SEMA4B: variants seen among roughly 807,000 people sequenced by gnomAD.
The protein encoded by SEMA4B is semaphorin-4B.
Under a neutral mutation model 88.1 loss-of-function variants are expected in SEMA4B, and 55 were observed. The observed-to-expected ratio is 0.62, with a 90% CI of 0.50 to 0.78. The LOEUF is 0.78. Ranked by LOEUF, SEMA4B falls within the 30% of genes least tolerant of loss-of-function variation. The pLI is 0.00. For synonymous variants in SEMA4B, 525 were observed against 473.6 expected, an observed-to-expected ratio of 1.11 and a Z score of -1.41; for missense variants, 1,062 against 1,111.9, an observed-to-expected ratio of 0.96 and a Z score of 0.64.
chr15:90,215,218 G>C (rs1468764343), intron 1 of SEMA4B, among the ~76,000 whole-genome samples: 3 of 93,524 alleles, frequency 3.2e-5, no homozygotes, highest in African/African-American at 1.9e-4. Flanking sequence ...GTGTGTGTGT[G>C]TTTCTTTTTT....
intron 1 of SEMA4B, among the ~76,000 whole-genome samples, chr15:90,214,390 C>A (rs1961428043): frequency 6.7e-6 from 1 of 150,122 alleles, no homozygotes; most frequent in South Asian, 2.1e-4. Flanking sequence ...GTAATCCCAG[C>A]ACTTTGGGAG....
rs1961727731 is a variant in SEMA4B, at chr15:90,219,977, C to T, written c.483+86C>T. 5 of 1,033,642 alleles carry T rather than the reference C, an allele frequency of 4.8e-6. No individual in the cohort carries two copies. In the South Asian group the frequency reaches 7.6e-5, roughly 16 times the overall value. 64.0% of individuals were successfully genotyped at this position (1,033,642 alleles called of 1,614,324 possible). ...GGATCCTGTTCTGTAGCATAGACCC[C>T]TGAGGAAAGGCAGGGCCCAGAGGGA... On this transcript the variant is annotated intron_variant, in intron 4 of 13. Transcript: ENST00000411539.
intron 1 of SEMA4B, among the ~76,000 whole-genome samples, chr15:90,215,936 CTT>C (rs892199813): frequency 2.0e-4 from 31 of 151,988 alleles, no homozygotes; most frequent in African/African-American, 7.5e-4. Flanking sequence ...TTAAAAGGGA[CTT>C]TTAATCATTT....
chr15:90,221,903 T>TTTTAAATTAAAATA, intron 7 of SEMA4B, 138 bp downstream of exon 7: 1 of 698,608 alleles, frequency 1.4e-6, no homozygotes, highest in South Asian at 2.3e-5. Flanking sequence ...CTCTCTCACC[T>TTTTAAATTAAAATA]TTTAAATTAA....
intron 1 of SEMA4B, among the ~76,000 whole-genome samples, chr15:90,187,422 C>T (rs927070579): frequency 6.6e-6 from 1 of 152,146 alleles, no homozygotes; most frequent in Non-Finnish European, 1.5e-5. Context: ...CATGTTCTGT[C>T]CTGGGGCTGG....
intron 1 of SEMA4B, 70 bp downstream of exon 1, chr15:90,201,805 G>A: frequency 1.5e-6 from 2 of 1,349,926 alleles, no homozygotes; most frequent in East Asian, 3.1e-5. Flanking sequence ...TCGTGCGGAG[G>A]TGGCCGTGAC....
In SEMA4B at chr15:90,212,709, TC is replaced by T. The variant is rs1397150766; in HGVS notation, c.158-4729del. On this transcript the variant is annotated intron_variant, in intron 1 of 13. Coordinates refer to ENST00000411539, the MANE Select transcript of SEMA4B (RefSeq NM_198925.4). The surrounding 1 kb of genome is among the most constrained non-coding windows in gnomAD (Gnocchi z 4.0). ...CAGGGTCCTTCACAGACGTCTGCAG[TC>T]ACTCTGGAGGTGACCCAAGCACCTG... 4.6e-5 allele frequency among the ~76,000 whole-genome samples: 7 copies of T among 152,098 alleles called. No homozygotes were observed. The highest frequency in any genetic ancestry group is 8.8e-5 in the Non-Finnish European group (6 of 67,984).
At chr15:90,224,248 A>G (rs145320875) in intron 9 of SEMA4B, among the ~76,000 whole-genome samples, 167 of 152,302 alleles carry the variant, frequency 1.1e-3, no homozygotes, top group African/African-American at 3.8e-3. Context: ...TGTTACAATC[A>G]TCTCTTCATT....
intron 1 of SEMA4B, 86 bp downstream of exon 1, chr15:90,201,821 A>G: frequency 7.7e-7 from 1 of 1,290,770 alleles, no homozygotes; most frequent in Non-Finnish European, 1.0e-6. Context: ...GTGACAAAGG[A>G]CCAAGGAGGG....
intron 9 of SEMA4B, among the ~76,000 whole-genome samples, 196 bp from the exon 10 acceptor site, chr15:90,224,772 C>G (rs1962051344): frequency 6.6e-6 from 1 of 152,162 alleles, no homozygotes; most frequent in South Asian, 2.1e-4. Context: ...CCTCCAAGCA[C>G]TCGGTTTCCC....
At chr15:90,219,975 C>T in intron 4 of SEMA4B, 84 bp downstream of exon 4, 1 of 1,060,850 alleles carries the variant, frequency 9.4e-7, no homozygotes, top group Non-Finnish European at 1.4e-6. Flanking sequence ...TAGCATAGAC[C>T]CCTGAGGAAA....
intron 1 of SEMA4B, among the ~76,000 whole-genome samples, chr15:90,190,058 A>G (rs1298777007): frequency 6.6e-6 from 1 of 152,190 alleles, no homozygotes; most frequent in Non-Finnish European, 1.5e-5. Context: ...TGCTAGGGCC[A>G]AGCTGGGGCT....
chr15:90,225,878 C>T, intron 12 of SEMA4B, 51 bp downstream of exon 12: 1 of 1,399,942 alleles, frequency 7.1e-7, no homozygotes, highest in Non-Finnish European at 9.3e-7. Context: ...GCACAGGTGA[C>T]CTCGGAGCAC....
rs1961863992 is a variant in SEMA4B, at chr15:90,221,781, T to G, written c.861+16T>G. ...CATCTGCAAGGTGAGGGGAACGGGC[T>G]GACAGGGTGGCCACCCCAGGGACCT... On this transcript the variant is annotated intron_variant, in intron 7 of 13. Transcript: ENST00000411539. 1 of 1,612,158 alleles carries G rather than the reference T, an allele frequency of 6.2e-7. No individual in the cohort carries two copies. Among genetic ancestry groups the G allele is most frequent in the Non-Finnish European group, 8.5e-7 (1 of 1,178,958 alleles).
In SEMA4B at chr15:90,201,539, T is replaced by G. The variant is rs1960725500; in HGVS notation, c.-40T>G. The stretch of plus-strand genomic sequence containing the variant: ...CGCCCGTGAGTCCGGCCGAGCCACC[T>G]GAGCCCGAGCCGCGGGACACCGTCG... On this transcript the variant is annotated 5_prime_UTR_variant, in exon 1 of 14. Coordinates refer to ENST00000411539, the MANE Select transcript of SEMA4B (RefSeq NM_198925.4). 6 of 1,414,948 alleles carry G rather than the reference T, an allele frequency of 4.2e-6. No individual in the cohort carries two copies. The highest frequency in any genetic ancestry group is 5.5e-6 in the Non-Finnish European group (6 of 1,088,806). 87.6% of individuals were successfully genotyped at this position (1,414,948 alleles called of 1,614,324 possible).
chr15:90,205,211 G>C (rs1464758612), intron 1 of SEMA4B, among the ~76,000 whole-genome samples: 1 of 152,266 alleles, frequency 6.6e-6, no homozygotes, highest in Non-Finnish European at 1.5e-5. Context: ...TGAGCAGAGA[G>C]AATGGAGCAT....
At chr15:90,214,418 A>G (rs1051056495) in intron 1 of SEMA4B, among the ~76,000 whole-genome samples, 10 of 151,434 alleles carry the variant, frequency 6.6e-5, no homozygotes, top group African/African-American at 2.4e-4. Flanking sequence ...CGGGTGGATC[A>G]CATGAGGTCA....
Position 90,217,572 on chromosome 15 carries a change from C to G in SEMA4B, c.291C>G (p.Leu97=). ...CCCTCTTTGCACTCAGTAGCAACCTCAGCTTCCTGCCAGGCGGGGAGTACC... is the reference window on the plus strand; with the variant it reads ...CCCTCTTTGCACTCAGTAGCAACCTGAGCTTCCTGCCAGGCGGGGAGTACC... The part of the protein sequence containing the change: ...REALFALSSN[L]SFLPGGEYQE... Residue 97 remains leucine, a synonymous_variant, in exon 2 of 14, where the codon CTC becomes CTG. Coordinates refer to ENST00000411539, the MANE Select transcript of SEMA4B (RefSeq NM_198925.4). The G allele has an allele frequency of 6.2e-7, 1 of 1,613,958 alleles. No homozygotes were observed. The highest frequency in any genetic ancestry group is 1.3e-5 in the African/African-American group (1 of 75,036).
chr15:90,216,387 G>A (rs1171378166), intron 1 of SEMA4B, among the ~76,000 whole-genome samples: 3 of 151,888 alleles, frequency 2.0e-5, no homozygotes, highest in Middle Eastern at 3.4e-3. Context: ...TTCTGTCACC[G>A]TACTGTATTC....
Sources: allele counts gnomAD v4.1 joint callset (sites outside exome capture counted in the v4.1 genomes callset), GRCh38; gene constraint gnomAD v4.1.1; non-coding constraint Gnocchi (gnomAD v3.1); transcripts MANE v1.5; gene names NCBI Gene and HGNC (gene_info 2026-07-23, HGNC 2026-07-21).